Variants in NFAM1 observed in about 807,000 individuals in gnomAD.
NFAM1 encodes NFAT activation molecule 1.
In NFAM1, 17 loss-of-function variants were observed where a neutral mutation model predicts 29.0. The observed-to-expected ratio is 0.59, with a 90% CI of 0.40 to 0.88. NFAM1 has a LOEUF of 0.88. NFAM1 is among the 40% of genes least tolerant of loss of function. The pLI is 0.00. For missense variants in NFAM1, 324 were observed against 344.6 expected, an observed-to-expected ratio of 0.94 and a Z score of 0.47; for synonymous variants, 175 against 147.2, an observed-to-expected ratio of 1.19 and a Z score of -1.36.
At chr22:42,431,871 G>A (rs768329720) in intron 1 of NFAM1, among the ~76,000 whole-genome samples, 4 of 138,016 alleles carry the variant, frequency 2.9e-5, no homozygotes, top group Non-Finnish European at 6.1e-5. Flanking sequence ...AGTGTCCCCC[G>A]CAGCAGCCAC....
rs1755536152 is a variant in NFAM1 at position 42,384,558 on chromosome 22, C to T, written c.*603G>A. 1 of 160,684 alleles carries T rather than the reference C, an allele frequency of 6.2e-6. No homozygotes were observed. Among genetic ancestry groups the T allele is most frequent in the South Asian group, 1.8e-4 (1 of 5,630 alleles). The allele number at this position is 160,684 out of a possible 1,614,324, so 10.0% of individuals were successfully genotyped here. On this transcript the variant is annotated 3_prime_UTR_variant, in exon 6 of 6. Transcript: ENST00000329021. The stretch of plus-strand genomic sequence containing the variant: ...CATGTCCTGGGCCTCCAGATCTGTC[C>T]CTGATCCTAGTCTTGCCTCTGAGGG...
chr22:42,405,549 G>A (rs532991131), intron 3 of NFAM1, among the ~76,000 whole-genome samples: 5 of 152,364 alleles, frequency 3.3e-5, no homozygotes, highest in East Asian at 3.9e-4. Flanking sequence ...AGTCGGGGGC[G>A]TGCAAGAAAG....
chr22:42,432,871 T>C (rs1028641142), upstream of NFAM1, among the ~76,000 whole-genome samples: 1 of 152,042 alleles, frequency 6.6e-6, no homozygotes, highest in African/African-American at 2.4e-5. Context: ...AGGAGCCTCA[T>C]GTTCCCAGCC....
chr22:42,393,868 GT>G (rs1163452974), intron 4 of NFAM1, among the ~76,000 whole-genome samples: 2 of 151,954 alleles, frequency 1.3e-5, no homozygotes, highest in Non-Finnish European at 2.9e-5. Context: ...GTTCTGTATG[GT>G]TTTTAATCCT....
chr22:42,401,237 A>G (rs73886071), intron 3 of NFAM1, among the ~76,000 whole-genome samples: 4,272 of 152,320 alleles, frequency 0.028, 206 homozygotes, highest in African/African-American at 0.099. Flanking sequence ...CTAAGAAGGT[A>G]TCTTAGACAT....
At chr22:42,404,929 C>T (rs1434021188) in intron 3 of NFAM1, among the ~76,000 whole-genome samples, 2 of 151,860 alleles carry the variant, frequency 1.3e-5, no homozygotes, top group African/African-American at 4.8e-5. Context: ...ATCCCATTTC[C>T]AGAGGAGGAA....
At chr22:42,436,100 G>A (rs892201430), upstream of NFAM1, among the ~76,000 whole-genome samples, 6 of 152,162 alleles carry the variant, frequency 3.9e-5, no homozygotes, top group East Asian at 7.7e-4. Context: ...GACTACAGGC[G>A]TGAGCCACCG....
intron 1 of NFAM1, among the ~76,000 whole-genome samples, chr22:42,415,105 C>T (rs1310366275): frequency 1.3e-5 from 2 of 151,824 alleles, no homozygotes; most frequent in African/African-American, 4.8e-5. Context: ...CTGCTGTGTC[C>T]AAAAAGTAAA....
intron 1 of NFAM1, 90 bp downstream of exon 1, chr22:42,432,147 T>C: frequency 8.6e-7 from 1 of 1,161,622 alleles, no homozygotes; most frequent in East Asian, 2.6e-5. Context: ...CAGAGACAGG[T>C]CCCTGGGAAT....
At chr22:42,411,342 G>T in intron 2 of NFAM1, 65 bp downstream of exon 2, 1 of 1,295,462 alleles carries the variant, frequency 7.7e-7, no homozygotes, top group Non-Finnish European at 1.1e-6. Context: ...CCGATCCAAA[G>T]TCCCAAACTG....
intron 4 of NFAM1, among the ~76,000 whole-genome samples, chr22:42,390,319 T>A (rs1016987396): frequency 2.0e-5 from 3 of 152,130 alleles, no homozygotes; most frequent in African/African-American, 7.2e-5. Context: ...AGGTGACCCC[T>A]GAGCACTTAC....
At chr22:42,403,629 A>G (rs1929798759) in intron 3 of NFAM1, among the ~76,000 whole-genome samples, 1 of 152,226 alleles carries the variant, frequency 6.6e-6, no homozygotes, top group Non-Finnish European at 1.5e-5. Flanking sequence ...GAATGAATGA[A>G]TTTAATGACA....
At position 42,397,964 on chromosome 22, in the gene NFAM1, G is replaced by A. The variant is rs1195307183; in HGVS notation, c.565-8C>T. On this transcript the variant is annotated splice_polypyrimidine_tract_variant and splice_region_variant and intron_variant, in intron 3 of 5. Transcript: ENST00000329021. The stretch of plus-strand genomic sequence containing the variant: ...TGGACCCCGCATCCGCTTCTGTAGG[G>A]AGAAAGGAGTCAGGGCCAGGGATGA... 1 of 1,540,538 alleles carries A rather than the reference G, an allele frequency of 6.5e-7. No individual in the cohort carries two copies. The highest frequency in any genetic ancestry group is 2.3e-5 in the East Asian group (1 of 44,028).
At chr22:42,399,908 G>A (rs1487268619) in intron 3 of NFAM1, among the ~76,000 whole-genome samples, 1 of 152,210 alleles carries the variant, frequency 6.6e-6, no homozygotes, top group Admixed American at 6.5e-5. Context: ...AGAAGCCGGC[G>A]CCACCCCCAG....
At chr22:42,434,850 C>A (rs1251950884), upstream of NFAM1, among the ~76,000 whole-genome samples, 3 of 152,208 alleles carry the variant, frequency 2.0e-5, no homozygotes, top group Non-Finnish European at 2.9e-5. Flanking sequence ...GGGGACCACA[C>A]GTCTCAGCCA....
chr22:42,403,748 G>A (rs938352718), intron 3 of NFAM1, among the ~76,000 whole-genome samples: 2 of 152,224 alleles, frequency 1.3e-5, no homozygotes, highest in Non-Finnish European at 2.9e-5. Context: ...GGAACAGGCC[G>A]AGAGGCACCC....
upstream of NFAM1, among the ~76,000 whole-genome samples, chr22:42,435,879 G>A (rs1333926826): frequency 6.7e-6 from 1 of 148,752 alleles, no homozygotes; most frequent in Non-Finnish European, 1.5e-5. Flanking sequence ...GAGTGCAGTG[G>A]CATGATCTCA....
At chr22:42,433,787 T>C (rs866467655), upstream of NFAM1, among the ~76,000 whole-genome samples, 2 of 152,306 alleles carry the variant, frequency 1.3e-5, no homozygotes, top group African/African-American at 4.8e-5. Context: ...CAGTGATACA[T>C]GCTCACATAT....
intron 3 of NFAM1, among the ~76,000 whole-genome samples, chr22:42,403,316 C>T (rs1292327915): frequency 6.6e-6 from 1 of 152,222 alleles, no homozygotes; most frequent in Non-Finnish European, 1.5e-5. Context: ...TTCCTTTCTT[C>T]CTGAACAGGT....
Sources: gnomAD v4.1 joint callset for allele counts (sites outside exome capture counted in the v4.1 genomes callset) on GRCh38, gnomAD v4.1.1 for gene constraint, MANE v1.5 for transcripts, NCBI Gene and HGNC (gene_info 2026-07-23, HGNC 2026-07-21) for gene names.